The following BRI3BP variants were observed in gnomAD, a reference collection of about 807,000 sequenced individuals.
BRI3BP encodes the protein BRI3-binding protein.
BRI3BP carries 7 observed loss-of-function variants against 15.8 expected under a neutral mutation model. The observed-to-expected ratio is 0.44, with a 90% CI of 0.25 to 0.83. BRI3BP has a LOEUF of 0.83. Among genes scored for constraint, BRI3BP ranks in the 40% least tolerant of loss-of-function variants. BRI3BP has a pLI of 0.20. For synonymous variants in BRI3BP, 192 were observed against 163.5 expected (o/e 1.17, Z -1.33); for missense variants, 320 against 339.3 (o/e 0.94, Z 0.45).
Position 125,029,531 on chromosome 12 carries a change from C to T in BRI3BP, c.*4101C>T, listed in dbSNP as rs1380376727. ...GAGGCGACAGAGTGAGACCCAGTCT[C>T]AAAAAAAAAAAAAAGTGTGTGTGTG... On this transcript the variant is annotated 3_prime_UTR_variant, in exon 3 of 3. Coordinates refer to ENST00000341446, the MANE Select transcript of BRI3BP (RefSeq NM_080626.6). 1 of 100,166 alleles carries T rather than the reference C, an allele frequency of 1.0e-5. No individual in the cohort carries two copies. The highest frequency in any genetic ancestry group is 2.1e-5 in the Non-Finnish European group (1 of 47,888). 6.2% of individuals were successfully genotyped at this position (100,166 alleles called of 1,614,324 possible).
chr12:125,041,723 CAG>C, the BRI3BP span, among the ~76,000 whole-genome samples: 1 of 152,192 alleles, frequency 6.6e-6, no homozygotes, highest in Non-Finnish European at 1.5e-5. Flanking sequence ...TGTTTTGAAA[CAG>C]AGTCCTGCTA....
chr12:125,010,755 G>A (rs914355502), intron 1 of BRI3BP, among the ~76,000 whole-genome samples: 4 of 151,656 alleles, frequency 2.6e-5, no homozygotes, highest in Middle Eastern at 6.8e-3. Context: ...CCAGCCTGGC[G>A]ACAAAGCGAG....
chr12:125,038,264 A>G, the BRI3BP span, among the ~76,000 whole-genome samples: 1 of 152,024 alleles, frequency 6.6e-6, no homozygotes, highest in African/African-American at 2.4e-5. Context: ...TCAAAAAAAA[A>G]AAAAAAAAGT....
intron 1 of BRI3BP, among the ~76,000 whole-genome samples, chr12:125,003,035 C>A (rs572815834): frequency 6.6e-6 from 1 of 152,320 alleles, no homozygotes; most frequent in African/African-American, 2.4e-5. Flanking sequence ...ATGTTATGTT[C>A]CAGCATTTTC....
chr12:125,042,065 CATA>C, the BRI3BP span, among the ~76,000 whole-genome samples: 13 of 152,248 alleles, frequency 8.5e-5, no homozygotes, highest in African/African-American at 3.1e-4. Context: ...TGAATGGCTA[CATA>C]ATATCCCATT....
In BRI3BP at chr12:125,026,941, G is replaced by T. The variant is rs1465724987; in HGVS notation, c.*1511G>T. 6.9e-6 allele frequency: 1 copy of T among 145,570 alleles called. No individual in the cohort carries two copies. The highest frequency in any genetic ancestry group is 7.0e-5 in the Admixed American group (1 of 14,186). The allele number at this position is 145,570 out of a possible 1,614,324, so 9.0% of individuals were successfully genotyped here. A position where few individuals can be genotyped will look rare whatever the true frequency, so the allele number is the denominator to read the frequency against. The stretch of plus-strand genomic sequence containing the variant: ...CACTCCAGCCTAGGCAACAGAGCAA[G>T]ACTTCATCTTAAAAAAAAAAAAAAA... On this transcript the variant is annotated 3_prime_UTR_variant, in exon 3 of 3. Transcript: ENST00000341446.
At chr12:125,033,293 G>GA (rs2136004890), downstream of BRI3BP, among the ~76,000 whole-genome samples, 2 of 152,212 alleles carry the variant, frequency 1.3e-5, 1 homozygote, top group Admixed American at 1.3e-4. Flanking sequence ...TTGGGAGGCT[G>GA]AGGCAGAAGG....
intron 2 of BRI3BP, among the ~76,000 whole-genome samples, chr12:125,016,733 G>A (rs1318316851): frequency 6.6e-6 from 1 of 151,306 alleles, no homozygotes; most frequent in Admixed American, 6.6e-5. Flanking sequence ...TCACTATGTT[G>A]GCCAGGCTGG....
downstream of BRI3BP, among the ~76,000 whole-genome samples, chr12:125,033,251 G>A (rs969280036): frequency 3.3e-5 from 5 of 152,128 alleles, no homozygotes; most frequent in South Asian, 2.1e-4. Flanking sequence ...TTTGGGCTGG[G>A]TGTAGTGTCT....
Position 124,993,695 on chromosome 12 carries a change from C to A in BRI3BP, c.-96C>A. On this transcript the variant is annotated 5_prime_UTR_variant, in exon 1 of 3. Transcript: ENST00000341446. The stretch of plus-strand genomic sequence containing the variant: ...CTGTGGGTAAAGGCGCGGCGCGCGG[C>A]CCCCGAGCGCGCCAACCTTGCCCTA... 3 of 658,446 alleles carry A rather than the reference C, an allele frequency of 4.6e-6. No homozygotes were observed. Among genetic ancestry groups the A allele is most frequent in the Non-Finnish European group, 5.6e-6 (3 of 533,380 alleles). The allele number at this position is 658,446 out of a possible 1,614,324, so 40.8% of individuals were successfully genotyped here. A position where few individuals can be genotyped will look rare whatever the true frequency, so the allele number is the denominator to read the frequency against.
chr12:125,005,574 G>A (rs1207563835), intron 1 of BRI3BP, among the ~76,000 whole-genome samples: 1 of 152,130 alleles, frequency 6.6e-6, no homozygotes, highest in Non-Finnish European at 1.5e-5. Context: ...TTCAAGACCA[G>A]TTTGGCCAAC....
At chr12:125,020,145 C>T (rs1463405667) in intron 2 of BRI3BP, among the ~76,000 whole-genome samples, 1 of 151,698 alleles carries the variant, frequency 6.6e-6, no homozygotes, top group African/African-American at 2.4e-5. Context: ...AAGGTTTCGC[C>T]ATATTGGTCA....
At chr12:125,046,175 A>AT in the BRI3BP span, among the ~76,000 whole-genome samples, 1 of 151,966 alleles carries the variant, frequency 6.6e-6, no homozygotes, top group Admixed American at 6.6e-5. Context: ...AAAAAAAAAA[A>AT]CCACAAAAAA....
chr12:125,005,734 C>T (rs1185545386), intron 1 of BRI3BP, among the ~76,000 whole-genome samples: 6 of 151,302 alleles, frequency 4.0e-5, no homozygotes, highest in Middle Eastern at 3.2e-3. Flanking sequence ...GCCGAGATCG[C>T]GCCACTGCAC....
chr12:125,034,457 C>T (rs1174791064), downstream of BRI3BP, among the ~76,000 whole-genome samples: 2 of 152,172 alleles, frequency 1.3e-5, no homozygotes, highest in Admixed American at 1.3e-4. Context: ...ATGCGTACAC[C>T]ATGGACATCA....
In BRI3BP at chr12:125,029,571, TATATATATACACACAC is replaced by T. The variant is rs1955391632; in HGVS notation, c.*4143_*4158del. 1 of 144,010 alleles carries T rather than the reference TATATATATACACACAC, an allele frequency of 6.9e-6. No individual in the cohort carries two copies. Among genetic ancestry groups the T allele is most frequent in the Admixed American group, 6.9e-5 (1 of 14,424 alleles). The allele number at this position is 144,010 out of a possible 1,614,324, so 8.9% of individuals were successfully genotyped here. A position where few individuals can be genotyped will look rare whatever the true frequency, so the allele number is the denominator to read the frequency against. ...GTGTGTGTGTGTGTATATATATGTATATATATATACACACACACACACTTTCCAATACCAGTCGGCA... is the reference window on the plus strand; with the variant it reads ...GTGTGTGTGTGTGTATATATATGTATACACACTTTCCAATACCAGTCGGCA... On this transcript the variant is annotated 3_prime_UTR_variant, in exon 3 of 3. Transcript: ENST00000341446.
intron 1 of BRI3BP, 120 bp downstream of exon 1, chr12:124,994,123 AG>A (rs919774257): frequency 1.0e-5 from 7 of 671,830 alleles, no homozygotes; most frequent in African/African-American, 3.9e-5. Flanking sequence ...GCGCGGGAAG[AG>A]GGGGTCCGGC....
chr12:125,037,061 C>T, the BRI3BP span, among the ~76,000 whole-genome samples: 1 of 152,190 alleles, frequency 6.6e-6, no homozygotes, highest in African/African-American at 2.4e-5. Context: ...TGACAAAAGG[C>T]TTTGTTTTGT....
chr12:125,009,019 A>T (rs1594531240), intron 1 of BRI3BP, among the ~76,000 whole-genome samples: 1 of 151,132 alleles, frequency 6.6e-6, no homozygotes, highest in Non-Finnish European at 1.5e-5. Context: ...TCTGTTGCCC[A>T]GGTTGGAGTG....
Sources: gnomAD v4.1 joint callset for allele counts (sites outside exome capture counted in the v4.1 genomes callset) on GRCh38, gnomAD v4.1.1 for gene constraint, MANE v1.5 for transcripts, NCBI Gene and HGNC (gene_info 2026-07-23, HGNC 2026-07-21) for gene names.